The following ZNF644 variants were observed in gnomAD, a reference collection of about 807,000 sequenced individuals.
ZNF644 encodes the protein zinc finger motif enhancer binding protein 2.
In ZNF644, 20 loss-of-function variants were observed where a neutral mutation model predicts 108.0. That is an observed-to-expected ratio of 0.19 (90% CI 0.13 to 0.27). ZNF644 has a LOEUF of 0.27. ZNF644 is among the 10% of genes least tolerant of loss of function. The probability of loss-of-function intolerance (pLI) is 1.00; values close to 1 mark genes in which losing one functional copy is unlikely to be tolerated. For synonymous variants in ZNF644, 542 were observed against 539.1 expected, an observed-to-expected ratio of 1.01 and a Z score of -0.08; for missense variants, 1,338 against 1,548.9, an observed-to-expected ratio of 0.86 and a Z score of 2.29.
chr1:91,007,762 A>C (rs2101732975), intron 1 of ZNF644, among the ~76,000 whole-genome samples: 1 of 152,296 alleles, frequency 6.6e-6, no homozygotes, highest in Middle Eastern at 3.4e-3. Context: ...TCAAAGATGC[A>C]ATACCTTTAC....
At chr1:90,983,951 A>T (rs1290536767) in intron 1 of ZNF644, among the ~76,000 whole-genome samples, 1 of 152,082 alleles carries the variant, frequency 6.6e-6, no homozygotes, top group Non-Finnish European at 1.5e-5. Context: ...GAAGAAGAAG[A>T]CATGGCAGAG....
intron 1 of ZNF644, among the ~76,000 whole-genome samples, chr1:91,014,961 G>A (rs1431888990): frequency 1.3e-5 from 2 of 151,942 alleles, no homozygotes; most frequent in South Asian, 4.2e-4. Context: ...ATGTAAAGTG[G>A]GAATATATAC....
Position 90,915,676 on chromosome 1 carries a change from T to C in ZNF644, c.*1122A>G, listed in dbSNP as rs1648691367. 2 of 152,628 alleles carry C rather than the reference T, an allele frequency of 1.3e-5. No homozygotes were observed. The highest frequency in any genetic ancestry group is 4.8e-5 in the African/African-American group (2 of 41,470). The allele number at this position is 152,628 out of a possible 1,614,324, so 9.5% of individuals were successfully genotyped here. The stretch of plus-strand genomic sequence containing the variant: ...CAGCACATTTATTTCAGTAATTCTG[T>C]TATGTCGGTTCTTAGCATGAGCATA... On this transcript the variant is annotated 3_prime_UTR_variant, in exon 6 of 6. Transcript: ENST00000337393.
chr1:90,987,246 G>GTT (rs55996875), intron 1 of ZNF644, among the ~76,000 whole-genome samples: 2 of 121,116 alleles, frequency 1.7e-5, no homozygotes, highest in African/African-American at 6.5e-5. Flanking sequence ...CCTAGAGTTG[G>GTT]TTTTTTTTTT....
intron 2 of ZNF644, among the ~76,000 whole-genome samples, chr1:90,946,667 C>T (rs1008074773): frequency 6.6e-6 from 1 of 151,790 alleles, no homozygotes; most frequent in African/African-American, 2.4e-5. Context: ...ATTAAATGAC[C>T]AACACACTGC....
At chr1:91,002,332 T>G (rs927553121) in intron 1 of ZNF644, among the ~76,000 whole-genome samples, 1 of 151,894 alleles carries the variant, frequency 6.6e-6, no homozygotes, top group African/African-American at 2.4e-5. Flanking sequence ...AAAACAGAGA[T>G]ATAGACCAAT....
intron 4 of ZNF644, among the ~76,000 whole-genome samples, chr1:90,922,352 G>A (rs768002952): frequency 3.3e-5 from 5 of 152,228 alleles, no homozygotes; most frequent in African/African-American, 7.2e-5. Flanking sequence ...ATACCCCTAC[G>A]AGAGGGAAGA....
At chr1:90,953,581 C>G (rs1185201491) in intron 2 of ZNF644, among the ~76,000 whole-genome samples, 1 of 151,926 alleles carries the variant, frequency 6.6e-6, no homozygotes, top group Non-Finnish European at 1.5e-5. Context: ...ATTAATTACA[C>G]AGAAGCTATT....
chr1:90,998,102 T>C (rs1658358152), intron 1 of ZNF644, among the ~76,000 whole-genome samples: 1 of 152,198 alleles, frequency 6.6e-6, no homozygotes, highest in African/African-American at 2.4e-5. Flanking sequence ...CCTGCCTCTG[T>C]AGACTCCACC....
chr1:90,916,541 T>A lies in ZNF644; in HGVS notation c.*257A>T. The A allele has an allele frequency of 2.1e-6, 1 of 485,844 alleles. No individual in the cohort carries two copies. Among genetic ancestry groups the A allele is most frequent in the South Asian group, 2.2e-5 (1 of 45,938 alleles). The allele number at this position is 485,844 out of a possible 1,614,324, so 30.1% of individuals were successfully genotyped here. ...AACAGTTTATTAATGGCTGCTTACA[T>A]GTACTGCTCTTTTACTGAGTGAACA... On this transcript the variant is annotated 3_prime_UTR_variant, in exon 6 of 6. Coordinates refer to ENST00000337393, the MANE Select transcript of ZNF644 (RefSeq NM_201269.3).
Position 90,935,228 on chromosome 1 carries a change from T to C in ZNF644, c.3688+2257A>G, listed in dbSNP as rs937729747. On this transcript the variant is annotated intron_variant, in intron 4 of 5. Transcript: ENST00000337393. ...GTCAATAAGAGCCAAAAGAAAAAGATTAACTTGCTTAGAATTACATCTAAC... is the reference window on the plus strand; with the variant it reads ...GTCAATAAGAGCCAAAAGAAAAAGACTAACTTGCTTAGAATTACATCTAAC... Among the ~76,000 whole-genome samples the C allele has an allele frequency of 4.6e-5, 7 of 152,320 alleles. No individual in the cohort carries two copies. In the South Asian group the frequency reaches 1.2e-3, roughly 27 times the overall value.
chr1:90,936,580 G>A (rs778545038), intron 4 of ZNF644, among the ~76,000 whole-genome samples: 12 of 152,080 alleles, frequency 7.9e-5, no homozygotes, highest in East Asian at 1.9e-4. Flanking sequence ...AATGTTAGTC[G>A]TTATTAATCC....
intron 2 of ZNF644, among the ~76,000 whole-genome samples, chr1:90,951,887 C>T (rs1188990059): frequency 2.6e-5 from 4 of 152,168 alleles, no homozygotes; most frequent in Admixed American, 2.6e-4. Flanking sequence ...GTGTAAAAAC[C>T]TTTGGGGAAC....
intron 4 of ZNF644, among the ~76,000 whole-genome samples, chr1:90,928,054 C>T (rs1435482711): frequency 1.3e-5 from 2 of 151,568 alleles, no homozygotes; most frequent in Non-Finnish European, 2.9e-5. Flanking sequence ...CCATGTTGGC[C>T]AGGCTGGTCT....
rs1657156238 is a variant in ZNF644, at chr1:90,986,905, A to G, written c.-17-4535T>C. On this transcript the variant is annotated intron_variant, in intron 1 of 5. Transcript: ENST00000337393. ...AGAAAATCCACACATGTGGAAATTAAAAAACTTACTCTTACCCAACCAATG... is the reference window on the plus strand; with the variant it reads ...AGAAAATCCACACATGTGGAAATTAGAAAACTTACTCTTACCCAACCAATG... 2.0e-5 allele frequency among the ~76,000 whole-genome samples: 3 copies of G among 151,926 alleles called. No individual in the cohort carries two copies. The South Asian group carries it at 6.2e-4, about 31-fold the overall frequency.
chr1:90,997,284 A>G (rs765058429), intron 1 of ZNF644, among the ~76,000 whole-genome samples: 1 of 152,222 alleles, frequency 6.6e-6, no homozygotes, highest in East Asian at 1.9e-4. Flanking sequence ...GTGTTGAAGG[A>G]GCATCCCAAC....
At chr1:90,927,517 C>T (rs1442518786) in intron 4 of ZNF644, among the ~76,000 whole-genome samples, 1 of 152,098 alleles carries the variant, frequency 6.6e-6, no homozygotes, top group Non-Finnish European at 1.5e-5. Flanking sequence ...CAATAACCAC[C>T]AAAATGGTTA....
chr1:90,933,518 G>C (rs920760697), intron 4 of ZNF644, among the ~76,000 whole-genome samples: 5 of 151,936 alleles, frequency 3.3e-5, no homozygotes, highest in African/African-American at 1.2e-4. Flanking sequence ...AAAAAAATTT[G>C]CCAGGCATGA....
intron 1 of ZNF644, among the ~76,000 whole-genome samples, chr1:90,985,178 CTTAA>C (rs1656971518): frequency 6.6e-6 from 1 of 152,026 alleles, no homozygotes; most frequent in Non-Finnish European, 1.5e-5. Flanking sequence ...TTTATTAATT[CTTAA>C]TTGACAAATA....
Sources: gnomAD v4.1 joint callset for allele counts (sites outside exome capture counted in the v4.1 genomes callset) on GRCh38, gnomAD v4.1.1 for gene constraint, MANE v1.5 for transcripts, NCBI Gene and HGNC (gene_info 2026-07-23, HGNC 2026-07-21) for gene names.